The following ZNF446 variants were observed in gnomAD, a reference collection of about 807,000 sequenced individuals.
ZNF446 encodes the protein zinc finger protein 446, also known as zinc finger protein with KRAB and SCAN domains 20.
ZNF446 carries 42 observed loss-of-function variants against 34.0 expected under a neutral mutation model. The ratio of observed to expected loss-of-function variants is 1.23; its 90% CI spans 0.96 to 1.60. The LOEUF (loss-of-function observed/expected upper bound fraction) is 1.60. ZNF446 is among the 40% of genes most tolerant of loss of function. The pLI, the probability that ZNF446 is intolerant of heterozygous loss-of-function variation, is 0.00. For missense variants in ZNF446, 650 were observed against 600.2 expected (o/e 1.08, Z -0.87); for synonymous variants, 315 against 251.0 (o/e 1.25, Z -2.41).
At chr19:58,488,621 G>T in the ZNF446 span, among the ~76,000 whole-genome samples, 6 of 151,508 alleles carry the variant, frequency 4.0e-5, no homozygotes, top group Non-Finnish European at 8.8e-5. Flanking sequence ...GGAGGCCGAG[G>T]CAGGTGGATC....
At chr19:58,476,879 T>C (rs1332280284) in intron 1 of ZNF446, among the ~76,000 whole-genome samples, 1 of 152,154 alleles carries the variant, frequency 6.6e-6, no homozygotes, top group Admixed American at 6.5e-5. Flanking sequence ...ACTGTCTTTC[T>C]CCACCTCTTT....
the ZNF446 span, among the ~76,000 whole-genome samples, chr19:58,486,849 C>T: frequency 6.6e-6 from 1 of 151,982 alleles, no homozygotes; most frequent in South Asian, 2.1e-4. Flanking sequence ...GTCGCCCGGG[C>T]TAGAGTGCAG....
At chr19:58,486,717 T>TGGG in the ZNF446 span, among the ~76,000 whole-genome samples, 285 of 89,914 alleles carry the variant, frequency 3.2e-3, 1 homozygote, top group African/African-American at 0.013. Flanking sequence ...CTTTTTTTTT[T>TGGG]GGGGGGGGGC....
At chr19:58,484,764 A>G (rs371810461), downstream of ZNF446, among the ~76,000 whole-genome samples, 39 of 152,156 alleles carry the variant, frequency 2.6e-4, no homozygotes, top group African/African-American at 7.7e-4. Flanking sequence ...CAAATAAAAT[A>G]TACCACATTT....
chr19:58,479,705 G>C lies in ZNF446; in HGVS notation c.690G>C (p.Lys230Asn), dbSNP rs960921790. 1 of 1,613,536 alleles carries C rather than the reference G, an allele frequency of 6.2e-7. No individual in the cohort carries two copies. The highest frequency in any genetic ancestry group is 1.7e-5 in the Admixed American group (1 of 59,958). The stretch of plus-strand genomic sequence containing the variant: ...TGTACTGGGATGCGATGCTGGAGAA[G>C]TACGGCACAGTGGTCTCCCTGGGTG... ...KELYWDAMLE[K>N]YGTVVSLGLP... is the part of the protein sequence containing the mutation. The change falls in exon 5 of 7, where the codon AAG becomes AAC. Residue 230 changes from lysine to asparagine, a missense_variant. Transcript: ENST00000594369.
Position 58,481,058 on chromosome 19 carries a change from C to T in ZNF446, c.*332C>T. 3.0e-6 allele frequency: 1 copy of T among 331,830 alleles called. No individual in the cohort carries two copies. Among genetic ancestry groups the T allele is most frequent in the East Asian group, 5.4e-5 (1 of 18,566 alleles). The allele number at this position is 331,830 out of a possible 1,614,324, so 20.6% of individuals were successfully genotyped here. On this transcript the variant is annotated 3_prime_UTR_variant, in exon 7 of 7. Transcript: ENST00000594369. ...GACAACACTCCCTCTCCTGGGACCT[C>T]CTTGCCTCAGGTGGGTGTTCAAAAA...
At chr19:58,486,904 G>A in the ZNF446 span, among the ~76,000 whole-genome samples, 12 of 151,858 alleles carry the variant, frequency 7.9e-5, no homozygotes, top group African/African-American at 2.4e-4. Flanking sequence ...CTGGGTTCAC[G>A]CCATTCTCCT....
rs926058426 is a variant in ZNF446 at position 58,481,168 on chromosome 19, G to C, written c.*442G>C. The C allele has an allele frequency of 1.2e-5, 2 of 172,582 alleles. No individual in the cohort carries two copies. The highest frequency in any genetic ancestry group is 2.4e-5 in the African/African-American group (1 of 42,194). The allele number at this position is 172,582 out of a possible 1,614,324, so 10.7% of individuals were successfully genotyped here. ...CAGAAGACCCAGGAAAGCACAGTTG[G>C]CTTCCGTTTCTCCTGCTCCCTGTGT... is the stretch of plus-strand genomic sequence containing the variant. On this transcript the variant is annotated 3_prime_UTR_variant, in exon 7 of 7. Coordinates refer to ENST00000594369, the MANE Select transcript of ZNF446 (RefSeq NM_017908.4).
downstream of ZNF446, among the ~76,000 whole-genome samples, chr19:58,481,871 G>C (rs1282204988): frequency 6.6e-6 from 1 of 152,142 alleles, no homozygotes; most frequent in Non-Finnish European, 1.5e-5. Context: ...TCGGCTCACT[G>C]CAAGCTCTGC....
At position 58,480,823 on chromosome 19, in the gene ZNF446, T is replaced by C. The variant is rs1460375178; in HGVS notation, c.*97T>C. 2.1e-6 allele frequency: 3 copies of C among 1,428,618 alleles called. No individual in the cohort carries two copies. The East Asian group carries it at 6.9e-5, about 33-fold the overall frequency. 88.5% of individuals were successfully genotyped at this position (1,428,618 alleles called of 1,614,324 possible). ...AGAAGACTCTGGAGGCAGCAGGGGA[T>C]GCCAGAGTGAACAAGGGGTCCCAAG... On this transcript the variant is annotated 3_prime_UTR_variant, in exon 7 of 7. Transcript: ENST00000594369. This position sits in a 1 kb window ranked among gnomAD's most constrained non-coding sequence, Gnocchi z 7.2.
downstream of ZNF446, among the ~76,000 whole-genome samples, chr19:58,485,022 C>T (rs1025684727): frequency 3.3e-5 from 5 of 151,672 alleles, no homozygotes; most frequent in East Asian, 7.7e-4. Context: ...TCGTGCCAGC[C>T]GGAGCAACAG....
Position 58,480,870 on chromosome 19 carries a change from G to C in ZNF446, c.*144G>C, listed in dbSNP as rs2053135074. 1 of 971,108 alleles carries C rather than the reference G, an allele frequency of 1.0e-6. No homozygotes were observed. Among genetic ancestry groups the C allele is most frequent in the Non-Finnish European group, 1.5e-6 (1 of 671,392 alleles). 60.2% of individuals were successfully genotyped at this position (971,108 alleles called of 1,614,324 possible). On this transcript the variant is annotated 3_prime_UTR_variant, in exon 7 of 7. Coordinates refer to ENST00000594369, the MANE Select transcript of ZNF446 (RefSeq NM_017908.4). The surrounding 1 kb of genome is among the most constrained non-coding windows in gnomAD (Gnocchi z 7.2). The stretch of plus-strand genomic sequence containing the variant: ...CAAGCCAGTTCCCTGCCCCTGGTCT[G>C]GTCTCCCCCAAAAGACCTGGGTGCA...
the ZNF446 span, among the ~76,000 whole-genome samples, chr19:58,487,082 C>T: frequency 5.9e-5 from 9 of 152,244 alleles, no homozygotes; most frequent in Middle Eastern, 3.4e-3. Flanking sequence ...TGAGCCACTG[C>T]GCCTGGCCGA....
Position 58,477,646 on chromosome 19 carries a change from C to A in ZNF446, c.352C>A (p.His118Asn), listed in dbSNP as rs1416833001. 6.2e-6 allele frequency: 10 copies of A among 1,613,712 alleles called. No homozygotes were observed. The highest frequency in any genetic ancestry group is 8.5e-6 in the Non-Finnish European group (10 of 1,180,032). The change falls in exon 3 of 7, where the codon CAT (histidine) becomes AAT (asparagine). Residue 118 changes from histidine (H) to asparagine (N), a missense_variant. His to Asn is a moderately conservative substitution (Grantham distance 68). Coordinates refer to ENST00000594369, the MANE Select transcript of ZNF446 (RefSeq NM_017908.4). The stretch of plus-strand genomic sequence containing the variant: ...TACCTCTTCTCCTCAGATCACAGCC[C>A]ATGTCCTGAAGCAGGAGGTGCTCCC... ...PGQLLGWITA[H>N]VLKQEVLPAA...
downstream of ZNF446, among the ~76,000 whole-genome samples, chr19:58,484,283 A>C (rs1184391304): frequency 6.7e-6 from 1 of 150,070 alleles, no homozygotes. Flanking sequence ...AAAAAAAAAA[A>C]AAAAAAAAAA....
the ZNF446 span, among the ~76,000 whole-genome samples, chr19:58,486,597 G>A: frequency 6.6e-5 from 10 of 151,142 alleles, no homozygotes; most frequent in Admixed American, 4.0e-4. Context: ...TAGTAGAGGC[G>A]GGGTTTCACC....
In ZNF446 at chr19:58,480,351, C is replaced by CA. The variant is rs763469081; in HGVS notation, c.979dup (p.Thr327AsnfsTer72). On this transcript the variant is annotated frameshift_variant, in exon 7 of 7. Coordinates refer to ENST00000594369, the MANE Select transcript of ZNF446 (RefSeq NM_017908.4). LOFTEE classifies it low-confidence loss of function (END_TRUNC). The surrounding 1 kb of genome is among the most constrained non-coding windows in gnomAD (Gnocchi z 7.2). Reference sequence around the variant, plus strand: ...CAGAGACGAGACTGGAGCCGGCTGCCACCCCCAGGAAGCCCTACACGTGCG... The same window carrying CA: ...CAGAGACGAGACTGGAGCCGGCTGCCAACCCCCAGGAAGCCCTACACGTGCG... 1.2e-6 allele frequency: 2 copies of CA among 1,601,570 alleles called. No homozygotes were observed. Among genetic ancestry groups the CA allele is most frequent in the Non-Finnish European group, 1.7e-6 (2 of 1,175,026 alleles).
At chr19:58,487,804 A>G in the ZNF446 span, among the ~76,000 whole-genome samples, 1 of 152,180 alleles carries the variant, frequency 6.6e-6, no homozygotes, top group South Asian at 2.1e-4. Flanking sequence ...GCAAGACTCT[A>G]TCTCAAAAAA....
Position 58,477,838 on chromosome 19 carries a change from G to T in ZNF446, c.532+12G>T, listed in dbSNP as rs1230284859. The T allele has an allele frequency of 1.3e-6, 2 of 1,532,928 alleles. No homozygotes were observed. The highest frequency in any genetic ancestry group is 1.7e-6 in the Non-Finnish European group (2 of 1,143,066). 95.0% of individuals were successfully genotyped at this position (1,532,928 alleles called of 1,614,324 possible). The stretch of plus-strand genomic sequence containing the variant: ...TGGACAGGAAGTGGGTGAGGTTGGG[G>T]TCCCACCAGAGATGAGGGACTCCTG... On this transcript the variant is annotated intron_variant, in intron 3 of 6. Transcript: ENST00000594369.
Sources: gnomAD v4.1 joint callset for allele counts (sites outside exome capture counted in the v4.1 genomes callset) on GRCh38, gnomAD v4.1.1 for gene constraint, Gnocchi (gnomAD v3.1) non-coding constraint, MANE v1.5 for transcripts, NCBI Gene and HGNC (gene_info 2026-07-23, HGNC 2026-07-21) for gene names.